Variants in PDE9A observed in about 807,000 individuals in gnomAD.
PDE9A encodes phosphodiesterase 9A.
A neutral mutation model predicts 87.4 loss-of-function variants in PDE9A; 60 were observed. The ratio of observed to expected loss-of-function variants is 0.69; its 90% CI spans 0.56 to 0.85. The LOEUF (loss-of-function observed/expected upper bound fraction) is 0.85. Among genes scored for constraint, PDE9A ranks in the 40% least tolerant of loss-of-function variants. The pLI is 0.00. For missense variants in PDE9A, 665 were observed against 779.0 expected (o/e 0.85, Z 1.74); for synonymous variants, 272 against 279.4 (o/e 0.97, Z 0.27).
intron 4 of PDE9A, among the ~76,000 whole-genome samples, chr21:42,714,275 C>T (rs1363374060): frequency 6.6e-6 from 1 of 152,130 alleles, no homozygotes; most frequent in African/African-American, 2.4e-5. Flanking sequence ...CCTTGACCTC[C>T]CAAAGTGCTG....
intron 1 of PDE9A, among the ~76,000 whole-genome samples, chr21:42,674,453 C>T (rs1168817848): frequency 1.3e-5 from 2 of 151,722 alleles, no homozygotes; most frequent in African/African-American, 4.9e-5. Flanking sequence ...CTTGTCAGAA[C>T]TCCGTGTGAC....
Position 42,762,160 on chromosome 21 carries a change from T to A in PDE9A, c.1163T>A (p.Val388Glu). 1 of 1,614,176 alleles carries A rather than the reference T, an allele frequency of 6.2e-7. No homozygotes were observed. The highest frequency in any genetic ancestry group is 8.5e-7 in the Non-Finnish European group (1 of 1,179,992). ...CCGCTGGAGAACCACCACTGCGCCG[T>A]GGCCTTCCAGATCCTCGCCGAGCCT... ...ISPLENHHCAVAFQILAEPEC... is the reference protein window; with the variant it reads ...ISPLENHHCAEAFQILAEPEC... Residue 388 changes from valine (V) to glutamate (E), a missense_variant, in exon 14 of 20, where the codon GTG (valine) becomes GAG (glutamate). Val to Glu is a moderately radical substitution (Grantham distance 121). Transcript: ENST00000291539.
rs1490384070 is a variant in PDE9A, at chr21:42,705,996, A to G, written c.262+6985A>G. Among the ~76,000 whole-genome samples, 1 of 152,222 alleles carries G rather than the reference A, an allele frequency of 6.6e-6. No homozygotes were observed. Among genetic ancestry groups the G allele is most frequent in the African/African-American group, 2.4e-5 (1 of 41,476 alleles). ...CATAGAAGGACAATAAAAGGGGGCC[A>G]TAAGGAGGCGCATCCGCAGAGTGCG... On this transcript the variant is annotated intron_variant, in intron 4 of 19. Transcript: ENST00000291539. The surrounding 1 kb of genome is among the most constrained non-coding windows in gnomAD (Gnocchi z 4.3).
chr21:42,662,584 C>G (rs530082152), intron 1 of PDE9A, among the ~76,000 whole-genome samples: 1 of 144,494 alleles, frequency 6.9e-6, no homozygotes, highest in Non-Finnish European at 1.5e-5. Flanking sequence ...ACACACCAAG[C>G]ACACGCACAT....
At chr21:42,754,478 A>G (rs1346691850) in intron 10 of PDE9A, among the ~76,000 whole-genome samples, 1 of 152,260 alleles carries the variant, frequency 6.6e-6, no homozygotes, top group Admixed American at 6.5e-5. Flanking sequence ...CTCTGAGAGC[A>G]GTGTCTGCAA....
At chr21:42,653,972 T>C in intron 1 of PDE9A, 89 bp downstream of exon 1, 1 of 585,796 alleles carries the variant, frequency 1.7e-6, no homozygotes, top group Non-Finnish European at 2.8e-6. Context: ...TCCGTGCGTC[T>C]GCCGGTCCAG....
chr21:42,656,669 T>A (rs8134484), intron 1 of PDE9A, among the ~76,000 whole-genome samples: 59,613 of 151,944 alleles, frequency 0.39, 13,478 homozygotes, highest in African/African-American at 0.64. Context: ...ACAGTGGGAG[T>A]CAGCAACAGG....
At chr21:42,768,414 G>T in intron 16 of PDE9A, 122 bp downstream of exon 16, 1 of 1,034,788 alleles carries the variant, frequency 9.7e-7, no homozygotes. Context: ...CGACAGTTCA[G>T]CCTCCAGAAA....
intron 4 of PDE9A, among the ~76,000 whole-genome samples, chr21:42,714,786 T>C (rs2049713409): frequency 7.7e-6 from 1 of 129,868 alleles, no homozygotes; most frequent in Non-Finnish European, 1.7e-5. Flanking sequence ...GTTGATATGG[T>C]TGGGGTTAGC....
At chr21:42,656,705 C>T (rs1254772288) in intron 1 of PDE9A, among the ~76,000 whole-genome samples, 1 of 152,250 alleles carries the variant, frequency 6.6e-6, no homozygotes, top group African/African-American at 2.4e-5. Context: ...CTTCCCTCCT[C>T]AGGAGCTTTT....
intron 8 of PDE9A, among the ~76,000 whole-genome samples, chr21:42,744,747 A>C (rs1250589393): frequency 6.6e-6 from 1 of 152,204 alleles, no homozygotes; most frequent in Non-Finnish European, 1.5e-5. Flanking sequence ...TCTTTACTGG[A>C]GCCAGGGTCA....
chr21:42,765,558 C>T (rs781203413), intron 15 of PDE9A, 64 bp downstream of exon 15: 1 of 833,752 alleles, frequency 1.2e-6, no homozygotes, highest in South Asian at 1.4e-5. Context: ...GGTCATCCAT[C>T]CAGCTCACAC....
At chr21:42,752,832 C>T (rs370509239) in intron 9 of PDE9A, among the ~76,000 whole-genome samples, 2 of 152,212 alleles carry the variant, frequency 1.3e-5, no homozygotes, top group Non-Finnish European at 2.9e-5. Context: ...TAACCTAAAG[C>T]CTGATGTCCT....
At position 42,762,136 on chromosome 21, in the gene PDE9A, C is replaced by G; in HGVS notation, c.1139C>G (p.Pro380Arg). The G allele has an allele frequency of 6.2e-7, 1 of 1,614,130 alleles. No homozygotes were observed. The highest frequency in any genetic ancestry group is 8.5e-7 in the Non-Finnish European group (1 of 1,179,994). ...ELAVRYNDIS[P>R]LENHHCAVAF... is the part of the protein sequence containing the mutation. ...GCGGTCCGCTACAATGACATCTCAC[C>G]GCTGGAGAACCACCACTGCGCCGTG... Residue 380 changes from proline to arginine, a missense_variant, in exon 14 of 20, where the codon CCG becomes CGG. Pro to Arg is a moderately radical substitution (Grantham distance 103). Coordinates refer to ENST00000291539, the MANE Select transcript of PDE9A (RefSeq NM_002606.3).
At position 42,751,160 on chromosome 21, in the gene PDE9A, A is replaced by C. The variant is rs1165352682; in HGVS notation, c.698A>C (p.Lys233Thr). The C allele has an allele frequency of 6.2e-7, 1 of 1,613,458 alleles. No homozygotes were observed. The highest frequency in any genetic ancestry group is 1.7e-5 in the Admixed American group (1 of 60,018). The change falls in exon 9 of 20, where the codon AAG (lysine) becomes ACG (threonine). Residue 233 changes from lysine (K) to threonine (T), a missense_variant. Transcript: ENST00000291539. ...TACAGTTTTTTGGATAACCACAAGA[A>C]GTTGACTCCTCGACGCGATGTTCCC... is the stretch of plus-strand genomic sequence containing the variant. ...CKYSFLDNHK[K>T]LTPRRDVPTY...
At chr21:42,738,759 C>G (rs913967388) in intron 7 of PDE9A, among the ~76,000 whole-genome samples, 21 of 152,144 alleles carry the variant, frequency 1.4e-4, no homozygotes, top group African/African-American at 3.9e-4. Context: ...GATCTTGGCC[C>G]ACTGCAACCT....
At chr21:42,698,786 T>G (rs2060279071) in intron 3 of PDE9A, 182 bp from the exon 4 acceptor site, 5 of 466,458 alleles carry the variant, frequency 1.1e-5, no homozygotes, top group Non-Finnish European at 1.9e-5. Context: ...AATGATATAC[T>G]TGAAATTCAT....
chr21:42,721,977 CTTTTCT>C (rs893610227), intron 4 of PDE9A, among the ~76,000 whole-genome samples: 2 of 104,774 alleles, frequency 1.9e-5, no homozygotes, highest in African/African-American at 4.0e-5. Flanking sequence ...AGGTATTTTT[CTTTTCT>C]TTTTTTTTTT....
In PDE9A at chr21:42,675,011, A is replaced by G. The variant is rs1306755534; in HGVS notation, c.70-11181A>G. Among the ~76,000 whole-genome samples the G allele has an allele frequency of 6.6e-6, 1 of 152,222 alleles. No homozygotes were observed. The highest frequency in any genetic ancestry group is 1.5e-5 in the Non-Finnish European group (1 of 68,036). On this transcript the variant is annotated intron_variant, in intron 1 of 19. Coordinates refer to ENST00000291539, the MANE Select transcript of PDE9A (RefSeq NM_002606.3). This position sits in a 1 kb window ranked among gnomAD's most constrained non-coding sequence, Gnocchi z 4.3. Reference sequence around the variant, plus strand: ...AAAAATGCAGAACAGTATCAGGGAGAAAATAACTCATCCCCCACTACCCAG... The same window carrying G: ...AAAAATGCAGAACAGTATCAGGGAGGAAATAACTCATCCCCCACTACCCAG...
Sources: gnomAD v4.1 joint callset for allele counts (sites outside exome capture counted in the v4.1 genomes callset) on GRCh38, gnomAD v4.1.1 for gene constraint, Gnocchi (gnomAD v3.1) non-coding constraint, MANE v1.5 for transcripts, NCBI Gene and HGNC (gene_info 2026-07-23, HGNC 2026-07-21) for gene names.